The following SCFD2 variants were observed in gnomAD, a reference collection of about 807,000 sequenced individuals.
SCFD2 encodes sec1 family domain-containing protein 2.
Under a neutral mutation model 58.9 loss-of-function variants are expected in SCFD2, and 54 were observed. The ratio of observed to expected loss-of-function variants is 0.92; its 90% CI spans 0.74 to 1.15. The LOEUF (loss-of-function observed/expected upper bound fraction) is 1.15. Ranked by LOEUF, SCFD2 falls within the 50% of genes most tolerant of loss-of-function variation. The pLI is 0.00. For synonymous variants in SCFD2, 321 were observed against 335.9 expected, an observed-to-expected ratio of 0.96 and a Z score of 0.49; for missense variants, 805 against 836.6, an observed-to-expected ratio of 0.96 and a Z score of 0.47.
At chr4:53,235,731 T>C (rs1266258610) in intron 4 of SCFD2, among the ~76,000 whole-genome samples, 2 of 152,206 alleles carry the variant, frequency 1.3e-5, no homozygotes, top group East Asian at 3.8e-4. Context: ...GCTCTAGTTT[T>C]CTGTATGTAA....
At chr4:53,212,575 C>A (rs918416768) in intron 4 of SCFD2, among the ~76,000 whole-genome samples, 9 of 142,182 alleles carry the variant, frequency 6.3e-5, no homozygotes, top group African/African-American at 2.2e-4. Flanking sequence ...AAAGTGAGCA[C>A]GTGTGTGTGT....
intron 2 of SCFD2, among the ~76,000 whole-genome samples, chr4:53,335,384 T>C (rs1011549642): frequency 6.6e-5 from 10 of 152,248 alleles, no homozygotes; most frequent in Middle Eastern, 3.4e-3. Flanking sequence ...TCATCAATGT[T>C]ATGGGAAGAC....
intron 5 of SCFD2, among the ~76,000 whole-genome samples, chr4:52,963,494 TG>T (rs1720897474): frequency 6.6e-6 from 1 of 152,236 alleles, no homozygotes; most frequent in Non-Finnish European, 1.5e-5. Context: ...TACCAATGTC[TG>T]TAAAGAATAT....
At chr4:52,892,612 G>A (rs1211397004) in intron 7 of SCFD2, among the ~76,000 whole-genome samples, 1 of 152,040 alleles carries the variant, frequency 6.6e-6, no homozygotes, top group Non-Finnish European at 1.5e-5. Flanking sequence ...AACTCCTGCT[G>A]GTCTGGCAAA....
intron 4 of SCFD2, among the ~76,000 whole-genome samples, chr4:53,248,952 G>A (rs911057987): frequency 6.6e-5 from 10 of 152,222 alleles, no homozygotes; most frequent in Admixed American, 4.6e-4. Context: ...AAAGCTGGAC[G>A]GAGAATGACT....
chr4:52,885,882 C>T lies in SCFD2; in HGVS notation c.1843-16G>A. 6.2e-7 allele frequency: 1 copy of T among 1,613,650 alleles called. No homozygotes were observed. Among genetic ancestry groups the T allele is most frequent in the Non-Finnish European group, 8.5e-7 (1 of 1,179,674 alleles). On this transcript the variant is annotated splice_polypyrimidine_tract_variant and intron_variant, in intron 7 of 8. Transcript: ENST00000401642. ...GCCGGCTCACCTGCAAAACAAAACA[C>T]CAGCAATATCAGATGGATGGCAGTG...
intron 6 of SCFD2, among the ~76,000 whole-genome samples, chr4:52,916,723 G>C (rs796399207): frequency 3.9e-5 from 6 of 152,270 alleles, no homozygotes; most frequent in African/African-American, 1.4e-4. Flanking sequence ...ACAGCTAACA[G>C]GACACTCAGC....
chr4:52,885,836 G>C lies in SCFD2; in HGVS notation c.1873C>G (p.Leu625Val), dbSNP rs771343196. The change falls in exon 8 of 9, where the codon CTC becomes GTC. Residue 625 changes from leucine to valine, a missense_variant. Around this residue, in one of 3 missense-constraint regions of SCFD2, gnomAD observed 633 missense variants for 646.8 expected, o/e 0.98. Transcript: ENST00000401642. ...CCACCTACCACAAAGAGGATCAGGAGGGGGTAGTCACTAGGATGAGGCCGG... is the reference window on the plus strand; with the variant it reads ...CCACCTACCACAAAGAGGATCAGGACGGGGTAGTCACTAGGATGAGGCCGG... ...VSRPHPSDYPLLILFVVGGVT... is the reference protein window; with the variant it reads ...VSRPHPSDYPVLILFVVGGVT... 9.3e-6 allele frequency: 15 copies of C among 1,614,066 alleles called. No individual in the cohort carries two copies. In the South Asian group the frequency reaches 1.2e-4, roughly 13 times the overall value.
intron 2 of SCFD2, among the ~76,000 whole-genome samples, chr4:53,347,268 G>T (rs887404272): frequency 2.0e-5 from 3 of 152,110 alleles, no homozygotes; most frequent in Non-Finnish European, 4.4e-5. Context: ...CACCCTCTCT[G>T]TCTTAGTCAA....
chr4:52,991,086 C>T (rs1252798909), intron 5 of SCFD2, among the ~76,000 whole-genome samples: 4 of 152,140 alleles, frequency 2.6e-5, no homozygotes, highest in Non-Finnish European at 4.4e-5. Context: ...AGAGGGTATT[C>T]TGCAGGCAGA....
At chr4:52,877,839 G>A (rs1481784177) in intron 8 of SCFD2, among the ~76,000 whole-genome samples, 2 of 152,154 alleles carry the variant, frequency 1.3e-5, no homozygotes, top group African/African-American at 4.8e-5. Flanking sequence ...CTGCCCTCTG[G>A]TAAGCCCAGC....
At chr4:53,279,459 T>C (rs1337328470) in intron 3 of SCFD2, among the ~76,000 whole-genome samples, 4 of 152,164 alleles carry the variant, frequency 2.6e-5, no homozygotes, top group African/African-American at 9.7e-5. Flanking sequence ...CTGGTTTCAA[T>C]TTAGCTAAGA....
rs564952848 is a variant in SCFD2, at chr4:53,233,345, T to A, written c.1311+40481A>T. On this transcript the variant is annotated intron_variant, in intron 4 of 8. Transcript: ENST00000401642. Reference sequence around the variant, plus strand: ...ACCACTGTTATTTCCCTTTTGGTCATGCAAGAATAACCAGAATGGTTGTAT... The same window carrying A: ...ACCACTGTTATTTCCCTTTTGGTCAAGCAAGAATAACCAGAATGGTTGTAT... Among the ~76,000 whole-genome samples the A allele has an allele frequency of 2.0e-5, 3 of 152,292 alleles. No individual in the cohort carries two copies. The South Asian group carries it at 6.2e-4, about 32-fold the overall frequency.
intron 4 of SCFD2, among the ~76,000 whole-genome samples, chr4:53,232,028 A>G (rs957130351): frequency 6.6e-6 from 1 of 152,100 alleles, no homozygotes; most frequent in African/African-American, 2.4e-5. Flanking sequence ...CATATATTCA[A>G]TAAGACAGAA....
intron 4 of SCFD2, among the ~76,000 whole-genome samples, chr4:53,157,694 A>T (rs1315834873): frequency 6.6e-6 from 1 of 152,208 alleles, no homozygotes; most frequent in Non-Finnish European, 1.5e-5. Context: ...ACTTTTTTTA[A>T]GAATACTTTT....
At chr4:53,080,953 A>C (rs1222705597) in intron 5 of SCFD2, among the ~76,000 whole-genome samples, 1 of 152,198 alleles carries the variant, frequency 6.6e-6, no homozygotes, top group Non-Finnish European at 1.5e-5. Flanking sequence ...CAGATGTTAA[A>C]ATTGGAAAAA....
intron 5 of SCFD2, among the ~76,000 whole-genome samples, chr4:53,048,933 C>T (rs80008604): frequency 0.04 from 6,080 of 152,078 alleles, 167 homozygotes; most frequent in Non-Finnish European, 0.061. Context: ...GGTGACTGAG[C>T]GAGACCTAGT....
At chr4:53,140,019 A>G (rs997065066) in intron 5 of SCFD2, among the ~76,000 whole-genome samples, 2 of 151,944 alleles carry the variant, frequency 1.3e-5, no homozygotes, top group African/African-American at 4.8e-5. Context: ...ATGCTCGTTA[A>G]GAGTCATCAC....
chr4:53,165,956 A>C (rs186320766), intron 4 of SCFD2, among the ~76,000 whole-genome samples: 1 of 152,318 alleles, frequency 6.6e-6, no homozygotes, highest in African/African-American at 2.4e-5. Context: ...TATCTTTATT[A>C]GTTTAAGTGT....
Sources: allele counts gnomAD v4.1 joint callset (sites outside exome capture counted in the v4.1 genomes callset), GRCh38; gene constraint gnomAD v4.1.1; regional missense constraint gnomAD v4.1.1; transcripts MANE v1.5; gene names NCBI Gene and HGNC (gene_info 2026-07-23, HGNC 2026-07-21).